Variants in FGF12 observed in about 807,000 individuals in gnomAD.
The protein encoded by FGF12 is fibroblast growth factor 12B.
A neutral mutation model predicts 23.6 loss-of-function variants in FGF12; 14 were observed. The ratio of observed to expected loss-of-function variants is 0.59; its 90% confidence interval spans 0.39 to 0.93. The LOEUF (loss-of-function observed/expected upper bound fraction) is 0.93, where lower values mean the gene tolerates loss of function less well. Ranked by LOEUF, FGF12 falls within the 40% of genes least tolerant of loss-of-function variation. FGF12 has a pLI of 0.00. For missense variants in FGF12, 175 were observed against 217.8 expected (o/e 0.80, Z 1.24); for synonymous variants, 62 against 77.3 (o/e 0.80, Z 1.04).
intron 4 of FGF12, among the ~76,000 whole-genome samples, chr3:192,331,311 C>CAAAAAAAAAAAAAA (rs201997868): frequency 1.0e-4 from 10 of 95,960 alleles, no homozygotes; most frequent in East Asian, 6.4e-4. Context: ...GGAGTTTTCT[C>CAAAAAAAAAAAAAA]AAAAAAAAAA....
chr3:192,434,328 T>A (rs1449341210), intron 2 of FGF12, among the ~76,000 whole-genome samples: 1 of 152,110 alleles, frequency 6.6e-6, no homozygotes, highest in African/African-American at 2.4e-5. Flanking sequence ...CTGAGACAGA[T>A]CAAGCTCTTT....
At chr3:192,286,199 G>A (rs28585399) in intron 4 of FGF12, among the ~76,000 whole-genome samples, 51,982 of 151,712 alleles carry the variant, frequency 0.34, 9,981 homozygotes, top group East Asian at 0.89. Flanking sequence ...GTATATCATC[G>A]GATTTCTGGT....
chr3:192,227,580 T>TAAAAAAAAAA (rs778525112), intron 4 of FGF12, among the ~76,000 whole-genome samples: 1 of 60,272 alleles, frequency 1.7e-5, no homozygotes, highest in Non-Finnish European at 3.6e-5. Context: ...GAACTTAAAG[T>TAAAAAAAAAA]AAAAAAAAAA....
intron 3 of FGF12, among the ~76,000 whole-genome samples, chr3:192,344,330 G>C (rs1446431017): frequency 6.6e-6 from 1 of 151,392 alleles, no homozygotes; most frequent in African/African-American, 2.4e-5. Flanking sequence ...TTATTCCATA[G>C]TTCAACTTAA....
chr3:192,423,806 A>G (rs935795041), intron 2 of FGF12, among the ~76,000 whole-genome samples: 1 of 152,174 alleles, frequency 6.6e-6, no homozygotes. Flanking sequence ...AGTTCTAACA[A>G]AAGCTAGTAG....
intron 2 of FGF12, among the ~76,000 whole-genome samples, chr3:192,671,069 C>T (rs1341874851): frequency 3.9e-5 from 6 of 152,034 alleles, no homozygotes; most frequent in African/African-American, 7.2e-5. Context: ...ACTGGAATAT[C>T]GTAAGTACGA....
At chr3:192,154,508 C>G (rs1714238609) in intron 5 of FGF12, among the ~76,000 whole-genome samples, 1 of 148,736 alleles carries the variant, frequency 6.7e-6, no homozygotes. Flanking sequence ...GATGTCCTTT[C>G]TGTTTGTTAG....
intron 4 of FGF12, among the ~76,000 whole-genome samples, chr3:192,295,489 G>A (rs1714981897): frequency 5.3e-5 from 8 of 152,120 alleles, no homozygotes; most frequent in Admixed American, 5.2e-4. Flanking sequence ...AAAATAATGT[G>A]TTATATTTAA....
chr3:192,431,666 G>A (rs900074618), intron 2 of FGF12, among the ~76,000 whole-genome samples: 7 of 152,124 alleles, frequency 4.6e-5, no homozygotes, highest in African/African-American at 9.7e-5. Context: ...AGTACCAAGC[G>A]TTTCTCCAAT....
rs1300878210 is a variant in FGF12, at chr3:192,482,155, C to A, written c.14-121617G>T. 2.0e-5 allele frequency among the ~76,000 whole-genome samples: 3 copies of A among 152,054 alleles called. No individual in the cohort carries two copies. The East Asian group carries it at 5.8e-4, about 29-fold the overall frequency. On this transcript the variant is annotated intron_variant, in intron 2 of 5. Coordinates refer to ENST00000445105, the MANE Select transcript of FGF12 (RefSeq NM_004113.6). ...TGAGTTTCCAAGTTTGAGTTTTGAA[C>A]CTCAATCATAGAAGAGATTGCAACC...
chr3:192,462,904 G>A (rs1157183760), intron 2 of FGF12, among the ~76,000 whole-genome samples: 2 of 152,192 alleles, frequency 1.3e-5, no homozygotes, highest in Non-Finnish European at 2.9e-5. Flanking sequence ...CTACACAACT[G>A]TAATGGCTTA....
At chr3:192,666,094 A>G (rs1435562189) in intron 2 of FGF12, among the ~76,000 whole-genome samples, 2 of 152,216 alleles carry the variant, frequency 1.3e-5, no homozygotes, top group Admixed American at 6.5e-5. Context: ...AACATACCCC[A>G]AAACAATAGC....
intron 4 of FGF12, among the ~76,000 whole-genome samples, chr3:192,178,027 C>T (rs917343497): frequency 2.6e-5 from 4 of 152,120 alleles, no homozygotes; most frequent in East Asian, 1.9e-4. Flanking sequence ...AACAACAAAT[C>T]GACTCCAACA....
intron 2 of FGF12, among the ~76,000 whole-genome samples, chr3:192,515,913 G>C (rs1357767216): frequency 6.6e-6 from 1 of 151,306 alleles, no homozygotes; most frequent in Non-Finnish European, 1.5e-5. Context: ...TGCTGTCGAA[G>C]TGACAGGACG....
intron 2 of FGF12, among the ~76,000 whole-genome samples, chr3:192,594,634 C>T (rs1467369879): frequency 6.6e-6 from 1 of 151,680 alleles, no homozygotes; most frequent in Non-Finnish European, 1.5e-5. Context: ...AAGGTCTGAT[C>T]CTAAACAGAG....
At chr3:192,693,848 T>C (rs1418903438) in intron 2 of FGF12, among the ~76,000 whole-genome samples, 1 of 152,170 alleles carries the variant, frequency 6.6e-6, no homozygotes, top group Non-Finnish European at 1.5e-5. Context: ...TGATTTTTAT[T>C]ATTGTTTTTT....
intron 3 of FGF12, among the ~76,000 whole-genome samples, chr3:192,341,079 C>T (rs1260215717): frequency 3.3e-5 from 5 of 151,982 alleles, no homozygotes; most frequent in Non-Finnish European, 7.4e-5. Flanking sequence ...GGTTCAATAT[C>T]CAGAATACAT....
intron 4 of FGF12, among the ~76,000 whole-genome samples, chr3:192,190,020 G>T (rs1009797286): frequency 4.6e-5 from 7 of 152,024 alleles, no homozygotes; most frequent in Admixed American, 4.6e-4. Flanking sequence ...AATGGATCAG[G>T]ACAAATTGAA....
In FGF12 at chr3:192,514,025, G is replaced by A. The variant is rs1282425225; in HGVS notation, c.14-153487C>T. On this transcript the variant is annotated intron_variant, in intron 2 of 5. Transcript: ENST00000445105. This position sits in a 1 kb window ranked among gnomAD's most constrained non-coding sequence, Gnocchi z 4.9. ...GGGTTTTTTTCATTCAATTTTTAAT[G>A]GCCTTTCTCAATATCTCAGTTCATT... Among the ~76,000 whole-genome samples the A allele has an allele frequency of 6.6e-6, 1 of 151,940 alleles. No homozygotes were observed. Among genetic ancestry groups the A allele is most frequent in the Non-Finnish European group, 1.5e-5 (1 of 67,984 alleles).
Sources: gnomAD v4.1 joint callset for allele counts (sites outside exome capture counted in the v4.1 genomes callset) on GRCh38, gnomAD v4.1.1 for gene constraint, Gnocchi (gnomAD v3.1) non-coding constraint, MANE v1.5 for transcripts, NCBI Gene and HGNC (gene_info 2026-07-23, HGNC 2026-07-21) for gene names.